Variants in HPS4 observed in about 807,000 individuals in gnomAD.
HPS4 encodes BLOC-3 complex member HPS4.
A neutral mutation model predicts 70.3 loss-of-function variants in HPS4; 44 were observed. The observed-to-expected ratio is 0.63, with a 90% confidence interval of 0.49 to 0.80. The LOEUF (loss-of-function observed/expected upper bound fraction) is 0.80. Ranked by LOEUF, HPS4 falls within the 30% of genes least tolerant of loss-of-function variation. The probability of loss-of-function intolerance (pLI) is 0.00; values close to 1 mark genes in which losing one functional copy is unlikely to be tolerated. For missense variants in HPS4, 873 were observed against 884.4 expected (o/e 0.99, Z 0.16); for synonymous variants, 377 against 355.9 (o/e 1.06, Z -0.67).
intron 11 of HPS4, among the ~76,000 whole-genome samples, chr22:26,462,378 C>G (rs1908986333): frequency 6.6e-6 from 1 of 152,144 alleles, no homozygotes; most frequent in Non-Finnish European, 1.5e-5. Context: ...AGTGGGGGGA[C>G]AGAGAGGCTG....
intron 3 of HPS4, among the ~76,000 whole-genome samples, chr22:26,477,761 G>A (rs1335382480): frequency 6.6e-6 from 1 of 152,140 alleles, no homozygotes; most frequent in Non-Finnish European, 1.5e-5. Context: ...GAAATACAGT[G>A]GATAGGAGAC....
At chr22:26,449,167 C>T (rs1006074353), downstream of HPS4, among the ~76,000 whole-genome samples, 9 of 152,092 alleles carry the variant, frequency 5.9e-5, no homozygotes, top group African/African-American at 1.9e-4. Flanking sequence ...TGCCCAGGCT[C>T]GTCTGCCCAT....
chr22:26,446,628 G>A (rs907993309), downstream of HPS4, among the ~76,000 whole-genome samples: 1 of 152,188 alleles, frequency 6.6e-6, no homozygotes. Context: ...GAATGATAAG[G>A]CCTTTGAAAC....
downstream of HPS4, among the ~76,000 whole-genome samples, chr22:26,449,078 A>C (rs2146175571): frequency 1.3e-5 from 2 of 152,174 alleles, no homozygotes; most frequent in Middle Eastern, 6.8e-3. Context: ...TCCGTCCGCC[A>C]GCTCCTTCAG....
At chr22:26,460,772 C>T (rs5997094) in intron 11 of HPS4, among the ~76,000 whole-genome samples, 12,280 of 152,258 alleles carry the variant, frequency 0.081, 547 homozygotes, top group Middle Eastern at 0.13. Context: ...TATCTTTGTA[C>T]AGTCTGAGAC....
intron 3 of HPS4, chr22:26,444,759 C>T (rs765655916): frequency 3.9e-5 from 6 of 152,198 alleles, no homozygotes; most frequent in Non-Finnish European, 8.8e-5. Context: ...AAGAGCACGT[C>T]TACATTTGAG....
At chr22:26,447,122 C>T (rs1022030433), downstream of HPS4, among the ~76,000 whole-genome samples, 8 of 152,222 alleles carry the variant, frequency 5.3e-5, no homozygotes, top group Admixed American at 4.6e-4. Flanking sequence ...CAGGGCTGGG[C>T]CCATGATCCA....
chr22:26,449,018 T>TG (rs201946853), downstream of HPS4, among the ~76,000 whole-genome samples: 95 of 152,224 alleles, frequency 6.2e-4, no homozygotes, highest in Middle Eastern at 3.4e-3. Flanking sequence ...GAGAGGAGTG[T>TG]GTGTGTCGGG....
downstream of HPS4, among the ~76,000 whole-genome samples, chr22:26,449,025 C>T (rs1393434272): frequency 1.3e-5 from 2 of 152,102 alleles, no homozygotes; most frequent in African/African-American, 4.8e-5. Context: ...GTGTGTGTGT[C>T]GGGAGCACAG....
chr22:26,472,114 C>A (rs1602017353), intron 6 of HPS4, among the ~76,000 whole-genome samples, 188 bp downstream of exon 6: 1 of 152,288 alleles, frequency 6.6e-6, no homozygotes, highest in African/African-American at 2.4e-5. Context: ...TTCAAGAAGG[C>A]AGGTATGCTG....
At chr22:26,471,192 T>C (rs999649997) in intron 6 of HPS4, 2 of 387,426 alleles carry the variant, frequency 5.2e-6, no homozygotes, top group Non-Finnish European at 1.0e-5. Context: ...CATGTCATGG[T>C]ACCAGGTGAA....
At chr22:26,458,775 C>T (rs1183417932) in intron 11 of HPS4, among the ~76,000 whole-genome samples, 198 bp from the exon 12 acceptor site, 2 of 150,862 alleles carry the variant, frequency 1.3e-5, no homozygotes, top group African/African-American at 4.9e-5. Context: ...GAGCCGAGAC[C>T]GCACCACCAC....
At chr22:26,476,788 T>C (rs1328912523) in intron 4 of HPS4, 5 of 587,648 alleles carry the variant, frequency 8.5e-6, no homozygotes, top group Non-Finnish European at 1.5e-5. Context: ...CTGTGTGCAA[T>C]GCAGAATATG....
At chr22:26,455,910 C>T (rs1208276426) in intron 13 of HPS4, among the ~76,000 whole-genome samples, 1 of 152,142 alleles carries the variant, frequency 6.6e-6, no homozygotes, top group Non-Finnish European at 1.5e-5. Flanking sequence ...TGACATTTTA[C>T]TTGTTTCCAC....
chr22:26,449,323 ATTTTTTTTTTTTT>A (rs35895945), downstream of HPS4, among the ~76,000 whole-genome samples: 3 of 83,316 alleles, frequency 3.6e-5, no homozygotes, highest in African/African-American at 1.5e-4. Flanking sequence ...ACTCCCCTGC[ATTTTTTTTTTTTT>A]TTTTTTTTTT....
intron 10 of HPS4, among the ~76,000 whole-genome samples, 175 bp from the exon 11 acceptor site, chr22:26,465,001 C>A: frequency 6.6e-6 from 1 of 152,222 alleles, no homozygotes; most frequent in East Asian, 1.9e-4. Context: ...ACATCTGGCC[C>A]TTGGGGCTTT....
At chr22:26,476,163 GT>G (rs1451474086) in intron 4 of HPS4, 2 of 152,124 alleles carry the variant, frequency 1.3e-5, no homozygotes, top group Non-Finnish European at 2.9e-5. Context: ...AGTATTCACT[GT>G]AAAATTCAAC....
At chr22:26,454,271 G>A (rs545780339) in intron 13 of HPS4, among the ~76,000 whole-genome samples, 6 of 152,306 alleles carry the variant, frequency 3.9e-5, no homozygotes, top group Admixed American at 2.0e-4. Context: ...AGCCCTGTGG[G>A]AGGGCTCCGA....
chr22:26,444,094 G>A (rs916339059), downstream of HPS4: 1 of 152,214 alleles, frequency 6.6e-6, no homozygotes, highest in Non-Finnish European at 1.5e-5. Flanking sequence ...AGGCCACCAG[G>A]TTGGCTGATA....
Sources: gnomAD v4.1 joint callset for allele counts (sites outside exome capture counted in the v4.1 genomes callset) on GRCh38, gnomAD v4.1.1 for gene constraint, MANE v1.5 for transcripts, NCBI Gene and HGNC (gene_info 2026-07-23, HGNC 2026-07-21) for gene names.